Variants in ASCC3 observed in about 807,000 individuals in gnomAD.
ASCC3 encodes activating signal cointegrator 1 complex subunit 3.
ASCC3 carries 158 observed loss-of-function variants against 256.3 expected under a neutral mutation model. The ratio of observed to expected loss-of-function variants is 0.62; its 90% CI spans 0.54 to 0.70. The LOEUF is 0.70. Ranked by LOEUF, ASCC3 falls within the 30% of genes least tolerant of loss-of-function variation. The pLI is 0.00. For missense variants in ASCC3, 2,259 were observed against 2,626.0 expected, an observed-to-expected ratio of 0.86 and a Z score of 3.05; for synonymous variants, 948 against 883.4, an observed-to-expected ratio of 1.07 and a Z score of -1.30.
intron 36 of ASCC3, among the ~76,000 whole-genome samples, chr6:100,543,912 C>T (rs964306662): frequency 1.3e-5 from 2 of 151,924 alleles, no homozygotes; most frequent in African/African-American, 2.4e-5. Context: ...TATTTATTCT[C>T]AAGAACACAG....
chr6:100,875,165 TAGA>T (rs35215448), intron 1 of ASCC3, among the ~76,000 whole-genome samples: 52,515 of 151,704 alleles, frequency 0.35, 10,617 homozygotes, highest in Middle Eastern at 0.49. Context: ...ACAGAGAGGA[TAGA>T]ATTAAGCCAG....
rs151324150 is a variant in ASCC3 at position 100,697,935 on chromosome 6, A to G, written c.2151+17527T>C. ...ACAAAGGCAGATCTAAGCTTAGTTT[A>G]TATCTTCAAATTCCTAAACATCATT... On this transcript the variant is annotated intron_variant, in intron 13 of 41. Transcript: ENST00000369162. Among the ~76,000 whole-genome samples, 58 of 152,272 alleles carry G rather than the reference A, an allele frequency of 3.8e-4. 1 individual carries two copies. Among genetic ancestry groups the G allele is most frequent in the African/African-American group, 1.3e-3 (56 of 41,580 alleles).
intron 34 of ASCC3, among the ~76,000 whole-genome samples, chr6:100,600,271 C>T (rs978347077): frequency 3.3e-5 from 5 of 151,570 alleles, no homozygotes; most frequent in Non-Finnish European, 5.9e-5. Context: ...AACCTGACTT[C>T]GTAAGATCTG....
At chr6:100,855,276 G>A (rs1772890556) in intron 3 of ASCC3, among the ~76,000 whole-genome samples, 1 of 151,968 alleles carries the variant, frequency 6.6e-6, no homozygotes. Context: ...ACCATGCCTG[G>A]CTAATTGTTT....
chr6:100,829,502 A>C (rs1386264947), intron 4 of ASCC3, among the ~76,000 whole-genome samples: 1 of 151,890 alleles, frequency 6.6e-6, no homozygotes, highest in Admixed American at 6.5e-5. Context: ...CACCGAGCCC[A>C]CGCTCACATG....
At chr6:100,752,449 C>T (rs1780983248) in intron 10 of ASCC3, among the ~76,000 whole-genome samples, 1 of 152,056 alleles carries the variant, frequency 6.6e-6, no homozygotes, top group Admixed American at 6.6e-5. Context: ...AGAAATGTTT[C>T]CAGAATCCTT....
intron 8 of ASCC3, among the ~76,000 whole-genome samples, chr6:100,773,179 TA>T (rs1010181686): frequency 4.6e-5 from 7 of 152,310 alleles, no homozygotes; most frequent in African/African-American, 1.7e-4. Context: ...ATAATATTTA[TA>T]AATCATATAC....
Position 100,848,526 on chromosome 6 carries a change from A to G in ASCC3, c.423T>C (p.Phe141=). 1 of 1,614,132 alleles carries G rather than the reference A, an allele frequency of 6.2e-7. No individual in the cohort carries two copies. The highest frequency in any genetic ancestry group is 8.5e-7 in the Non-Finnish European group (1 of 1,179,996). Residue 141 remains phenylalanine (F), a synonymous_variant, in exon 4 of 42, where the codon TTT becomes TTC. Transcript: ENST00000369162. ...CAAGAGCAGTAAGATCATCTTGACT[A>G]AAATGAGAAATAATTCGATTAGTAG... The part of the protein sequence containing the change: ...CNATNRIISH[F]SQDDLTALVQ...
chr6:100,635,918 T>C (rs148804925), intron 25 of ASCC3, among the ~76,000 whole-genome samples: 1 of 152,182 alleles, frequency 6.6e-6, no homozygotes, highest in Non-Finnish European at 1.5e-5. Context: ...GATTTGATTA[T>C]GAATTACTTT....
chr6:100,512,545 G>A (rs1562083514), intron 40 of ASCC3, among the ~76,000 whole-genome samples, 164 bp downstream of exon 40: 1 of 152,100 alleles, frequency 6.6e-6, no homozygotes, highest in Non-Finnish European at 1.5e-5. Context: ...TGACACATGA[G>A]GAGAACTCAC....
At position 100,792,621 on chromosome 6, in the gene ASCC3, T is replaced by C. The variant is rs569278571; in HGVS notation, c.1395+6092A>G. ...ACTCCTTATATAGTCCAACTATTTA[T>C]ATATCTGGAAAGAAGAGAAAATTTA... is the stretch of plus-strand genomic sequence containing the variant. On this transcript the variant is annotated intron_variant, in intron 8 of 41. Transcript: ENST00000369162. Among the ~76,000 whole-genome samples the C allele has an allele frequency of 2.6e-5, 4 of 152,084 alleles. 1 individual carries two copies. Among genetic ancestry groups the C allele is most frequent in the South Asian group, 4.1e-4 (2 of 4,822 alleles).
chr6:100,725,982 C>A (rs1779603364), intron 10 of ASCC3, among the ~76,000 whole-genome samples: 2 of 143,590 alleles, frequency 1.4e-5, no homozygotes, highest in African/African-American at 2.6e-5. Flanking sequence ...TAAAAAGTAT[C>A]TTACAATGTA....
Position 100,565,717 on chromosome 6 carries a change from A to G in ASCC3, c.5550+23917T>C, listed in dbSNP as rs114173712. 6.8e-3 allele frequency among the ~76,000 whole-genome samples: 1,032 copies of G among 152,312 alleles called. 14 individuals carry two copies. The highest frequency in any genetic ancestry group is 0.024 in the African/African-American group (984 of 41,574). ...ACAAGGGAGTAGGGCAGAGCAACCA[A>G]AAAGAGAGAACTCAGAAAATGCCAC... is the stretch of plus-strand genomic sequence containing the variant. On this transcript the variant is annotated intron_variant, in intron 36 of 41. Coordinates refer to ENST00000369162, the MANE Select transcript of ASCC3 (RefSeq NM_006828.4).
intron 3 of ASCC3, among the ~76,000 whole-genome samples, chr6:100,852,338 G>C (rs904643151): frequency 6.6e-6 from 1 of 152,160 alleles, no homozygotes; most frequent in African/African-American, 2.4e-5. Flanking sequence ...GGCCACATCA[G>C]AAGGGGGAGA....
chr6:100,723,874 A>ATATATATATATATTTATAAT (rs1562251220), intron 11 of ASCC3, among the ~76,000 whole-genome samples: 3 of 128,172 alleles, frequency 2.3e-5, no homozygotes, highest in Non-Finnish European at 3.2e-5. Flanking sequence ...ATATATATAT[A>ATATATATATATATTTATAAT]TATATATATA....
chr6:100,539,200 A>C (rs1308151863), intron 37 of ASCC3, among the ~76,000 whole-genome samples: 2 of 152,212 alleles, frequency 1.3e-5, no homozygotes, highest in Non-Finnish European at 2.9e-5. Flanking sequence ...TACAGCACTT[A>C]AGGTATAAAA....
In ASCC3 at chr6:100,799,469, C is replaced by T; in HGVS notation, c.1231G>A (p.Glu411Lys). 8.1e-6 allele frequency: 13 copies of T among 1,613,016 alleles called. No individual in the cohort carries two copies. The highest frequency in any genetic ancestry group is 1.0e-5 in the Non-Finnish European group (12 of 1,179,466). ...ATAAATGCTGATGTTTTCATGGCTT[C>T]AGCCTGGGAATCATACACATGGGGA... The part of the protein sequence containing the change: ...HYPHVYDSQA[E>K]AMKTSAFIAG... Residue 411 changes from glutamate to lysine, a missense_variant, in exon 7 of 42, where the codon GAA becomes AAA. Physicochemically the swap from Glu to Lys is moderately conservative, Grantham distance 56. Around this residue, in one of 2 missense-constraint regions of ASCC3, gnomAD observed 1,839 missense variants for 2,206.7 expected, o/e 0.83. Coordinates refer to ENST00000369162, the MANE Select transcript of ASCC3 (RefSeq NM_006828.4).
At chr6:100,828,885 T>C (rs976991065) in intron 4 of ASCC3, among the ~76,000 whole-genome samples, 5 of 152,112 alleles carry the variant, frequency 3.3e-5, no homozygotes, top group African/African-American at 9.7e-5. Context: ...CCTGCTTTTA[T>C]TCTCTTATCT....
At chr6:100,777,344 G>T (rs942349812) in intron 8 of ASCC3, among the ~76,000 whole-genome samples, 1 of 151,964 alleles carries the variant, frequency 6.6e-6, no homozygotes, top group Admixed American at 6.6e-5. Flanking sequence ...TCATTTATAG[G>T]TGGAATCATT....
Sources: gnomAD v4.1 joint callset for allele counts (sites outside exome capture counted in the v4.1 genomes callset) on GRCh38, gnomAD v4.1.1 for gene constraint, gnomAD v4.1.1 regional missense constraint, MANE v1.5 for transcripts, NCBI Gene and HGNC (gene_info 2026-07-23, HGNC 2026-07-21) for gene names.